Variants in ZFHX3 observed in about 807,000 individuals in gnomAD.
The protein encoded by ZFHX3 is zinc finger homeobox 3.
Under a neutral mutation model 279.1 loss-of-function variants are expected in ZFHX3, and 42 were observed. That is an observed-to-expected ratio of 0.15 (90% CI 0.12 to 0.19). ZFHX3 has a LOEUF of 0.19. ZFHX3 is among the 10% of genes least tolerant of loss of function. The pLI is 1.00. For missense variants in ZFHX3, 4,981 were observed against 4,754.0 expected, an observed-to-expected ratio of 1.05 and a Z score of -1.40; for synonymous variants, 2,293 against 1,957.8, an observed-to-expected ratio of 1.17 and a Z score of -4.52.
In ZFHX3 at chr16:72,957,470, C is replaced by A; in HGVS notation, c.2676G>T (p.Gln892His). ...CGGCCATGGGCCCGGCGGGATCCAG[C>A]TGGAATCCGCTCATCATGAACTGGG... is the stretch of plus-strand genomic sequence containing the variant. ...SDAQFMMSGF[Q>H]LDPAGPMAAM... The change falls in exon 2 of 10, where the codon CAG becomes CAT. Residue 892 changes from glutamine (Q) to histidine (H), a missense_variant. By Grantham distance (24) the Gln-to-His change is conservative. Around this residue, in one of 7 missense-constraint regions of ZFHX3, gnomAD observed 1,751 missense variants for 1,770.0 expected, o/e 0.99. Transcript: ENST00000268489. 6.2e-7 allele frequency: 1 copy of A among 1,613,722 alleles called. No individual in the cohort carries two copies. Among genetic ancestry groups the A allele is most frequent in the Non-Finnish European group, 8.5e-7 (1 of 1,179,812 alleles).
chr16:72,936,109 C>T (rs1031780847), intron 3 of ZFHX3, among the ~76,000 whole-genome samples: 1 of 152,326 alleles, frequency 6.6e-6, no homozygotes, highest in East Asian at 1.9e-4. Flanking sequence ...AGGAACAGAG[C>T]TGTGTGTGAA....
chr16:73,555,157 GTATTT>G (rs2020257438), intron 2 of ZFHX3, among the ~76,000 whole-genome samples: 1 of 152,024 alleles, frequency 6.6e-6, no homozygotes, highest in Non-Finnish European at 1.5e-5. Flanking sequence ...AAGGCAGTTC[GTATTT>G]TATTTTTTTT....
At chr16:73,864,745 GAAAAT>G (rs1280541263) in intron 1 of ZFHX3, among the ~76,000 whole-genome samples, 1 of 151,746 alleles carries the variant, frequency 6.6e-6, no homozygotes, top group African/African-American at 2.4e-5. Context: ...CAATAATAAA[GAAAAT>G]AAAATAGGTG....
rs1163320666 is a variant in ZFHX3 at position 72,793,102 on chromosome 16, C to G, written c.9427+153G>C. ...ACACACCAGTACTTGGGAGACTCAA[C>G]AGGAACGAACTGAAGTCTTGTTGCT... On this transcript the variant is annotated intron_variant, in intron 9 of 9. Transcript: ENST00000268489. This position sits in a 1 kb window ranked among gnomAD's most constrained non-coding sequence, Gnocchi z 4.3. Among the ~76,000 whole-genome samples, 1 of 152,220 alleles carries G rather than the reference C, an allele frequency of 6.6e-6. No homozygotes were observed. The highest frequency in any genetic ancestry group is 1.9e-4 in the East Asian group (1 of 5,200).
intron 2 of ZFHX3, among the ~76,000 whole-genome samples, chr16:73,490,550 T>C (rs2019042380): frequency 1.3e-5 from 2 of 152,104 alleles, no homozygotes; most frequent in African/African-American, 4.8e-5. Flanking sequence ...GTTAAAACAA[T>C]AAAATAGGTC....
intron 2 of ZFHX3, among the ~76,000 whole-genome samples, chr16:73,644,319 C>T (rs1209480600): frequency 1.3e-5 from 2 of 151,952 alleles, no homozygotes; most frequent in Non-Finnish European, 2.9e-5. Context: ...TTAAGACATC[C>T]CCAGACTGCA....
At chr16:73,500,878 TA>T (rs1418953004) in intron 2 of ZFHX3, among the ~76,000 whole-genome samples, 4 of 152,348 alleles carry the variant, frequency 2.6e-5, no homozygotes, top group African/African-American at 9.6e-5. Context: ...ATTAAATATT[TA>T]TTAAATACTG....
intron 2 of ZFHX3, among the ~76,000 whole-genome samples, chr16:73,597,314 T>C (rs1022477412): frequency 1.1e-4 from 17 of 152,224 alleles, no homozygotes; most frequent in African/African-American, 4.1e-4. Flanking sequence ...ATATTTCTTA[T>C]GGGCCTCATC....
In ZFHX3 at chr16:73,661,260, G is replaced by A. The variant is rs190380870; in HGVS notation, c.-1547+18920C>T. On this transcript the variant is annotated intron_variant, in intron 2 of 17. Transcript: ENST00000641206. ...ATCAGTATGAAGAGTAGGTTATGATGTAAACACATTTTGCCTCAATTGTAA... is the reference window on the plus strand; with the variant it reads ...ATCAGTATGAAGAGTAGGTTATGATATAAACACATTTTGCCTCAATTGTAA... 7.8e-4 allele frequency among the ~76,000 whole-genome samples: 119 copies of A among 152,260 alleles called. 2 individuals are homozygous for A. The highest frequency in any genetic ancestry group is 5.0e-3 in the Admixed American group (76 of 15,290).
At position 72,788,187 on chromosome 16, in the gene ZFHX3, C is replaced by G. The variant is rs373014522; in HGVS notation, c.10089G>C (p.Gln3363His). 35 of 1,612,040 alleles carry G rather than the reference C, an allele frequency of 2.2e-5. No individual in the cohort carries two copies. In the Middle Eastern group the frequency reaches 8.3e-4, roughly 38 times the overall value. The change falls in exon 10 of 10, where the codon CAG (glutamine) becomes CAC (histidine). Residue 3363 changes from glutamine to histidine, a missense_variant. Around this residue, in one of 7 missense-constraint regions of ZFHX3, gnomAD observed 1,034 missense variants for 786.0 expected, o/e 1.32. Transcript: ENST00000268489. ...MGLSPGSLLQQYQQYQQSLQE... is the reference protein window; with the variant it reads ...MGLSPGSLLQHYQQYQQSLQE... ...GCAGACTCTGCTGGTATTGCTGGTACTGCTGCAGTAGGGAGCCTGGGGACA... is the reference window on the plus strand; with the variant it reads ...GCAGACTCTGCTGGTATTGCTGGTAGTGCTGCAGTAGGGAGCCTGGGGACA...
At chr16:73,141,228 G>C (rs1322766551) in intron 6 of ZFHX3, among the ~76,000 whole-genome samples, 1 of 152,166 alleles carries the variant, frequency 6.6e-6, no homozygotes, top group Non-Finnish European at 1.5e-5. Context: ...CTTAGAGATT[G>C]TATCAGTGGG....
chr16:73,687,327 G>T (rs1342461724), intron 1 of ZFHX3, among the ~76,000 whole-genome samples: 1 of 151,098 alleles, frequency 6.6e-6, no homozygotes, highest in Non-Finnish European at 1.5e-5. Flanking sequence ...GGGAGGTGGA[G>T]GCTGCAGTGA....
chr16:73,798,286 G>A (rs410109), intron 1 of ZFHX3, among the ~76,000 whole-genome samples: 64,808 of 151,630 alleles, frequency 0.43, 15,776 homozygotes, highest in African/African-American at 0.68. Flanking sequence ...GTGGGGAGGC[G>A]GAATTCTCTT....
At chr16:72,819,436 A>C (rs144765591) in intron 5 of ZFHX3, among the ~76,000 whole-genome samples, 2 of 152,158 alleles carry the variant, frequency 1.3e-5, no homozygotes, top group Non-Finnish European at 2.9e-5. Context: ...AATGTGTCAG[A>C]CTCCCGGGCA....
Position 73,463,317 on chromosome 16 carries a change from A to C in ZFHX3, c.-1546-7059T>G, listed in dbSNP as rs534398322. On this transcript the variant is annotated intron_variant, in intron 2 of 17. Coordinates refer to the ZFHX3 transcript ENST00000641206. ...TACAGAAAAGAAAACTGAAGTACAG[A>C]GAAGTTAAGTAAGCTGTGAACAGTC... is the stretch of plus-strand genomic sequence containing the variant. Among the ~76,000 whole-genome samples, 63 of 152,336 alleles carry C rather than the reference A, an allele frequency of 4.1e-4. 1 individual carries two copies. In the South Asian group the frequency reaches 0.013, roughly 31 times the overall value.
chr16:72,843,807 T>TAAGACATTAAAAAAAAAAAAAAAAAAAA (rs2037410187), intron 4 of ZFHX3, among the ~76,000 whole-genome samples: 1 of 152,096 alleles, frequency 6.6e-6, no homozygotes, highest in Non-Finnish European at 1.5e-5. Flanking sequence ...CTTTACAGTT[T>TAAGACATTAAAAAAAAAAAAAAAAAAAA]AAGACAAATG....
intron 2 of ZFHX3, among the ~76,000 whole-genome samples, chr16:73,516,075 A>G (rs192786656): frequency 6.6e-6 from 1 of 152,380 alleles, no homozygotes; most frequent in East Asian, 1.9e-4. Context: ...CTTCACCATC[A>G]TCATTGAACA....
chr16:72,952,067 A>G (rs892288003), intron 2 of ZFHX3, among the ~76,000 whole-genome samples: 3 of 152,170 alleles, frequency 2.0e-5, no homozygotes, highest in South Asian at 2.1e-4. Context: ...TCTGAGCAAC[A>G]TGGTGTACAA....
intron 4 of ZFHX3, among the ~76,000 whole-genome samples, chr16:72,874,581 G>C (rs2038258619): frequency 6.6e-6 from 1 of 152,100 alleles, no homozygotes; most frequent in Admixed American, 6.5e-5. Flanking sequence ...AAGGAAAGTG[G>C]ATGTCTGCTG....
Sources: allele counts gnomAD v4.1 joint callset (sites outside exome capture counted in the v4.1 genomes callset), GRCh38; gene constraint gnomAD v4.1.1; regional missense constraint gnomAD v4.1.1; non-coding constraint Gnocchi (gnomAD v3.1); transcripts MANE v1.5; gene names NCBI Gene and HGNC (gene_info 2026-07-23, HGNC 2026-07-21).